COL11A1: variants seen among roughly 807,000 people sequenced by gnomAD.
COL11A1 encodes collagen type XI alpha 1 chain.
In COL11A1, 74 loss-of-function variants were observed where a neutral mutation model predicts 265.2. The observed-to-expected ratio is 0.28, with a 90% CI of 0.23 to 0.34. COL11A1 has a LOEUF of 0.34. Ranked by LOEUF, COL11A1 falls within the 10% of genes least tolerant of loss-of-function variation. COL11A1 has a pLI of 1.00. For missense variants in COL11A1, 2,165 were observed against 2,263.6 expected, an observed-to-expected ratio of 0.96 and a Z score of 0.88; for synonymous variants, 816 against 727.6, an observed-to-expected ratio of 1.12 and a Z score of -1.96.
At chr1:102,934,337 C>T in intron 46 of COL11A1, 112 bp downstream of exon 46, 1 of 722,278 alleles carries the variant, frequency 1.4e-6, no homozygotes, top group Non-Finnish European at 2.5e-6. Context: ...AAACATTGTA[C>T]CCAAGTTCTT....
intron 14 of COL11A1, among the ~76,000 whole-genome samples, chr1:103,011,879 C>T (rs1666159519): frequency 6.6e-6 from 1 of 151,994 alleles, no homozygotes; most frequent in Admixed American, 6.6e-5. Flanking sequence ...TGCTATCACG[C>T]TAGTGAGAAA....
Position 103,005,908 on chromosome 1 carries a change from ATC to A in COL11A1, c.1792-19_1792-18del. ...TCGATCTCCCTGTAAAACCATCATC[ATC>A]ATCATCATCATCATCATCATCACAA... On this transcript the variant is annotated intron_variant, in intron 17 of 66. Transcript: ENST00000370096. The A allele has an allele frequency of 6.3e-7, 1 of 1,596,982 alleles. No individual in the cohort carries two copies. Among genetic ancestry groups the A allele is most frequent in the Non-Finnish European group, 8.6e-7 (1 of 1,167,372 alleles).
At chr1:103,032,397 T>A (rs1668057892) in intron 4 of COL11A1, among the ~76,000 whole-genome samples, 1 of 152,080 alleles carries the variant, frequency 6.6e-6, no homozygotes, top group Non-Finnish European at 1.5e-5. Context: ...AACAGATACT[T>A]ATTGAGAAAG....
intron 2 of COL11A1, among the ~76,000 whole-genome samples, chr1:103,079,235 C>T (rs1456381062): frequency 6.6e-6 from 1 of 152,046 alleles, no homozygotes; most frequent in Non-Finnish European, 1.5e-5. Flanking sequence ...TTGTCTTTGT[C>T]TAGTCCGTAG....
chr1:103,021,523 T>A (rs987087724), intron 9 of COL11A1, among the ~76,000 whole-genome samples, 184 bp downstream of exon 9: 1 of 152,200 alleles, frequency 6.6e-6, no homozygotes, highest in Non-Finnish European at 1.5e-5. Context: ...TCTATAATGT[T>A]TTGTTTTATT....
intron 63 of COL11A1, among the ~76,000 whole-genome samples, chr1:102,885,189 C>T (rs1650812725): frequency 6.6e-6 from 1 of 152,128 alleles, no homozygotes; most frequent in Admixed American, 6.6e-5. Context: ...CTGTATCTTT[C>T]GAGCTTGAAT....
intron 1 of COL11A1, among the ~76,000 whole-genome samples, chr1:103,098,337 C>T (rs1274606103): frequency 6.6e-6 from 1 of 151,916 alleles, no homozygotes; most frequent in Non-Finnish European, 1.5e-5. Flanking sequence ...CCTAGTTATA[C>T]AAGCCAGATA....
rs1570613770 is a variant in COL11A1, at chr1:102,881,699, G to A, written c.5038C>T (p.Leu1680=). The A allele has an allele frequency of 3.1e-6, 5 of 1,611,020 alleles. No homozygotes were observed. The highest frequency in any genetic ancestry group is 1.7e-5 in the Admixed American group (1 of 59,882). The change falls in exon 65 of 67, where the codon CTG becomes TTG. Residue 1680 remains leucine, a splice_region_variant and synonymous_variant. Coordinates refer to ENST00000370096, the MANE Select transcript of COL11A1 (RefSeq NM_001854.4). ...TTCATGTTGAGGTAATAACATACCA[G>A]TTTTCCCCTCTTAAATTCACTAAAC... The part of the protein sequence containing the change: ...SWFSEFKRGK[L]LSYLDVEGNS...
intron 13 of COL11A1, among the ~76,000 whole-genome samples, 196 bp from the exon 14 acceptor site, chr1:103,012,665 T>C (rs1033132389): frequency 6.6e-6 from 1 of 152,094 alleles, no homozygotes; most frequent in Admixed American, 6.5e-5. Flanking sequence ...TCAGACATTT[T>C]AAAAACTTTT....
chr1:102,894,510 G>A (rs140184048), intron 57 of COL11A1, among the ~76,000 whole-genome samples: 87 of 139,584 alleles, frequency 6.2e-4, no homozygotes, highest in Non-Finnish European at 7.8e-4. Context: ...CTCCAGCCCC[G>A]GTGATAGAGT....
chr1:102,967,227 CTTTTTTTTTTTTTTT>C (rs35303945), intron 37 of COL11A1, among the ~76,000 whole-genome samples: 9 of 52,760 alleles, frequency 1.7e-4, no homozygotes, highest in Admixed American at 3.8e-4. Context: ...ATAATAAATT[CTTTTTTTTTTTTTTT>C]TTTTTTTTTT....
chr1:103,103,813 T>C (rs924326073), intron 1 of COL11A1, among the ~76,000 whole-genome samples: 6 of 152,042 alleles, frequency 3.9e-5, no homozygotes, highest in Non-Finnish European at 8.8e-5. Flanking sequence ...TGTCAATTTT[T>C]TCCTGAGCTA....
At chr1:102,925,018 T>C (rs1656436239) in intron 46 of COL11A1, among the ~76,000 whole-genome samples, 1 of 142,262 alleles carries the variant, frequency 7.0e-6, no homozygotes, top group African/African-American at 2.6e-5. Flanking sequence ...ATGCTATACA[T>C]AATTAATTTT....
At chr1:102,916,824 C>CA (rs3835567) in intron 49 of COL11A1, among the ~76,000 whole-genome samples, 5 of 148,022 alleles carry the variant, frequency 3.4e-5, no homozygotes, top group East Asian at 2.0e-4. Context: ...ATAACTCTTA[C>CA]AAAAAAAAAT....
At chr1:102,908,922 A>AT (rs1654321036) in intron 54 of COL11A1, among the ~76,000 whole-genome samples, 1 of 152,040 alleles carries the variant, frequency 6.6e-6, no homozygotes, top group African/African-American at 2.4e-5. Flanking sequence ...TAATTTTTCT[A>AT]TTTTCTAATT....
chr1:102,892,696 T>C (rs1270928738), intron 57 of COL11A1, among the ~76,000 whole-genome samples: 2 of 152,178 alleles, frequency 1.3e-5, no homozygotes, highest in African/African-American at 4.8e-5. Flanking sequence ...TTAATATAAA[T>C]TAGCCCTTGT....
rs149790943 is a variant in COL11A1 at position 103,034,738 on chromosome 1, T to C, written c.652-3494A>G. Among the ~76,000 whole-genome samples the C allele has an allele frequency of 8.6e-5, 13 of 150,736 alleles. 1 individual carries two copies. The East Asian group carries it at 1.2e-3, about 13-fold the overall frequency. On this transcript the variant is annotated intron_variant, in intron 4 of 66. Transcript: ENST00000370096. ...CTGTTTTGCTTTGCTTTTTACTTTG[T>C]ATGGCACTTAATTTTCATTTTTTTT... is the stretch of plus-strand genomic sequence containing the variant.
chr1:102,902,461 A>G (rs1473267181), intron 54 of COL11A1, among the ~76,000 whole-genome samples: 1 of 152,168 alleles, frequency 6.6e-6, no homozygotes, highest in Admixed American at 6.5e-5. Context: ...TTAAAAAATT[A>G]GAACAATTTT....
rs1172214835 is a variant in COL11A1, at chr1:102,878,541, A to G, written c.5275-376T>C. Reference sequence around the variant, plus strand: ...CTTTCTTTTTTTTTTTTTGAGATGAAGTTTTGCTCTGTTGCTCAGGCTGGA... The same window carrying G: ...CTTTCTTTTTTTTTTTTTGAGATGAGGTTTTGCTCTGTTGCTCAGGCTGGA... On this transcript the variant is annotated intron_variant, in intron 66 of 66. Transcript: ENST00000370096. Among the ~76,000 whole-genome samples the G allele has an allele frequency of 1.5e-4, 13 of 86,626 alleles. No homozygotes were observed. The East Asian group carries it at 4.6e-3, about 31-fold the overall frequency. 56.8% of individuals were successfully genotyped at this position (86,626 alleles called of 152,430 possible).
Sources: gnomAD v4.1 joint callset for allele counts (sites outside exome capture counted in the v4.1 genomes callset) on GRCh38, gnomAD v4.1.1 for gene constraint, MANE v1.5 for transcripts, NCBI Gene and HGNC (gene_info 2026-07-23, HGNC 2026-07-21) for gene names.